The following ARHGAP21 variants were observed in gnomAD, a reference collection of about 807,000 sequenced individuals.
The protein encoded by ARHGAP21 is Rho GTPase activating protein 21.
ARHGAP21 carries 38 observed loss-of-function variants against 164.6 expected under a neutral mutation model. The ratio of observed to expected loss-of-function variants is 0.23; its 90% CI spans 0.18 to 0.30. The LOEUF (loss-of-function observed/expected upper bound fraction) is 0.30. Ranked by LOEUF, ARHGAP21 falls within the 10% of genes least tolerant of loss-of-function variation. The pLI, the probability that ARHGAP21 is intolerant of heterozygous loss-of-function variation, is 1.00. For synonymous variants in ARHGAP21, 766 were observed against 857.9 expected (o/e 0.89, Z 1.87); for missense variants, 1,822 against 2,370.7 (o/e 0.77, Z 4.81).
At chr10:24,673,092 G>A (rs1172815213) in intron 2 of ARHGAP21, among the ~76,000 whole-genome samples, 1 of 152,084 alleles carries the variant, frequency 6.6e-6, no homozygotes, top group Non-Finnish European at 1.5e-5. Flanking sequence ...TTTAGAAGAC[G>A]CAGTACTGTT....
intron 2 of ARHGAP21, among the ~76,000 whole-genome samples, chr10:24,679,368 T>C (rs145763257): frequency 4.3e-4 from 66 of 152,308 alleles, no homozygotes; most frequent in African/African-American, 1.5e-3. Flanking sequence ...TTCTTTTTTA[T>C]AGGGGCATGA....
intron 4 of ARHGAP21, among the ~76,000 whole-genome samples, chr10:24,654,688 T>C (rs1028881002): frequency 8.5e-5 from 13 of 152,328 alleles, no homozygotes; most frequent in Admixed American, 7.2e-4. Context: ...AAAATGGCCA[T>C]ACTGCCCAAA....
chr10:24,597,693 G>A lies in ARHGAP21; in HGVS notation c.3198-110C>T, dbSNP rs80160189. The A allele has an allele frequency of 5.2e-4, 761 of 1,469,356 alleles. 5 individuals are homozygous for A. In the African/African-American group the frequency reaches 9.1e-3, roughly 18 times the overall value. The allele number at this position is 1,469,356 out of a possible 1,614,324, so 91.0% of individuals were successfully genotyped here. A position where few individuals can be genotyped will look rare whatever the true frequency, so the allele number is the denominator to read the frequency against. On this transcript the variant is annotated intron_variant, in intron 15 of 25. Coordinates refer to ENST00000396432, the MANE Select transcript of ARHGAP21 (RefSeq NM_020824.4). ...GAAAATATTAACTGGAAAATTCTTG[G>A]AATAAACAATTCATAAGCTTTCAAT...
At chr10:24,679,674 TCTCA>T (rs1350759574) in intron 2 of ARHGAP21, among the ~76,000 whole-genome samples, 2 of 152,256 alleles carry the variant, frequency 1.3e-5, no homozygotes, top group Non-Finnish European at 2.9e-5. Context: ...GATAATGGTA[TCTCA>T]CTGTGATCTT....
At chr10:24,713,329 T>C (rs1001419712) in intron 2 of ARHGAP21, among the ~76,000 whole-genome samples, 3 of 152,198 alleles carry the variant, frequency 2.0e-5, no homozygotes, top group Admixed American at 2.0e-4. Flanking sequence ...GGGGAAAACA[T>C]AGTAAGTAAC....
chr10:24,623,611 G>T (rs1018075517), intron 7 of ARHGAP21, among the ~76,000 whole-genome samples: 3 of 152,106 alleles, frequency 2.0e-5, no homozygotes, highest in African/African-American at 7.2e-5. Flanking sequence ...TAGGAAAATT[G>T]TGTCTGGATG....
chr10:24,610,291 C>T lies in ARHGAP21; in HGVS notation c.2423-2388G>A, dbSNP rs1201051704. On this transcript the variant is annotated intron_variant, in intron 9 of 25. Transcript: ENST00000396432. ...ACTCGGGAAGCTGAGGCAGGAGAAT[C>T]GCTTGAACCCGGGAGGCGGAGCTGC... is the stretch of plus-strand genomic sequence containing the variant. 2.6e-5 allele frequency among the ~76,000 whole-genome samples: 4 copies of T among 151,472 alleles called. No homozygotes were observed. In the East Asian group the frequency reaches 5.8e-4, roughly 22 times the overall value.
chr10:24,597,666 C>A, intron 15 of ARHGAP21, 83 bp from the exon 16 acceptor site: 1 of 1,541,910 alleles, frequency 6.5e-7, no homozygotes, highest in South Asian at 1.2e-5. Flanking sequence ...GAGCCATGGT[C>A]TGAAAATATT....
intron 4 of ARHGAP21, among the ~76,000 whole-genome samples, chr10:24,647,719 A>G (rs1424190433): frequency 6.6e-6 from 1 of 152,238 alleles, no homozygotes; most frequent in African/African-American, 2.4e-5. Context: ...CTGAAAACTC[A>G]GCAATAAAAG....
chr10:24,706,013 T>C (rs1191978660), intron 2 of ARHGAP21, among the ~76,000 whole-genome samples: 1 of 152,180 alleles, frequency 6.6e-6, no homozygotes, highest in African/African-American at 2.4e-5. Context: ...AAAATAACCA[T>C]TTTCTAAACA....
intron 4 of ARHGAP21, among the ~76,000 whole-genome samples, chr10:24,651,429 T>C (rs1838151211): frequency 6.6e-6 from 1 of 152,212 alleles, no homozygotes; most frequent in Non-Finnish European, 1.5e-5. Context: ...CTTTATCCTT[T>C]ACAAGCATTG....
chr10:24,595,669 T>A (rs1413360262), intron 19 of ARHGAP21, 48 bp downstream of exon 19: 2 of 1,547,222 alleles, frequency 1.3e-6, no homozygotes, highest in African/African-American at 2.7e-5. Flanking sequence ...GTTTTCCAAT[T>A]GTAACTTGAA....
intron 2 of ARHGAP21, among the ~76,000 whole-genome samples, chr10:24,692,089 G>A (rs1041728132): frequency 6.6e-5 from 10 of 152,180 alleles, no homozygotes; most frequent in African/African-American, 2.2e-4. Context: ...TAATAGTGCA[G>A]GTGTTCAGAT....
chr10:24,589,220 C>T (rs1250938304), intron 25 of ARHGAP21, 51 bp downstream of exon 25: 1 of 1,495,016 alleles, frequency 6.7e-7, no homozygotes, highest in Admixed American at 1.7e-5. Context: ...TAACAATCAG[C>T]CGAAAAACAA....
chr10:24,613,339 A>G (rs2077347290), intron 9 of ARHGAP21, among the ~76,000 whole-genome samples: 1 of 152,190 alleles, frequency 6.6e-6, no homozygotes, highest in Non-Finnish European at 1.5e-5. Flanking sequence ...TTTTGAAGCA[A>G]TAAGTCCTGT....
intron 21 of ARHGAP21, 25 bp downstream of exon 21, chr10:24,594,925 T>C: frequency 6.4e-7 from 1 of 1,557,590 alleles, no homozygotes; most frequent in Non-Finnish European, 8.8e-7. Context: ...TAAAAGTACA[T>C]TTCTTCAATA....
rs2076003402 is a variant in ARHGAP21, at chr10:24,584,198, T to C, written c.*214A>G. 4.2e-6 allele frequency: 1 copy of C among 235,742 alleles called. No homozygotes were observed. The highest frequency in any genetic ancestry group is 1.0e-4 in the East Asian group (1 of 10,002). The allele number at this position is 235,742 out of a possible 1,614,324, so 14.6% of individuals were successfully genotyped here. A position where few individuals can be genotyped will look rare whatever the true frequency, so the allele number is the denominator to read the frequency against. On this transcript the variant is annotated 3_prime_UTR_variant, in exon 26 of 26. Transcript: ENST00000396432. ...GCAACAAATACCTTGCTCATTTGTA[T>C]ACAACTATCCGATATATTTTTAAAT...
At chr10:24,590,976 T>G in intron 24 of ARHGAP21, 2 of 925,596 alleles carry the variant, frequency 2.2e-6, no homozygotes, top group Non-Finnish European at 2.6e-6. Flanking sequence ...AAACAGTGGT[T>G]TGCATGCTCA....
At chr10:24,654,841 G>A (rs1838626469) in intron 4 of ARHGAP21, among the ~76,000 whole-genome samples, 1 of 152,168 alleles carries the variant, frequency 6.6e-6, no homozygotes, top group Non-Finnish European at 1.5e-5. Flanking sequence ...AACAAGGCTG[G>A]AGGCATCACA....
Sources: allele counts gnomAD v4.1 joint callset (sites outside exome capture counted in the v4.1 genomes callset), GRCh38; gene constraint gnomAD v4.1.1; transcripts MANE v1.5; gene names NCBI Gene and HGNC (gene_info 2026-07-23, HGNC 2026-07-21).